FAT3: variants seen among roughly 807,000 people sequenced by gnomAD.
The protein encoded by FAT3 is FAT atypical cadherin 3, also known as protocadherin Fat 3.
A neutral mutation model predicts 310.2 loss-of-function variants in FAT3; 95 were observed. The ratio of observed to expected loss-of-function variants is 0.31; its 90% CI spans 0.26 to 0.36. FAT3 has a LOEUF of 0.36. Ranked by LOEUF, FAT3 falls within the 10% of genes least tolerant of loss-of-function variation. FAT3 has a pLI of 1.00. For missense variants in FAT3, 5,408 were observed against 5,715.6 expected (o/e 0.95, Z 1.74); for synonymous variants, 2,314 against 2,192.9 (o/e 1.06, Z -1.54).
intron 3 of FAT3, among the ~76,000 whole-genome samples, chr11:92,651,016 T>C (rs1942358534): frequency 6.6e-6 from 1 of 152,200 alleles, no homozygotes; most frequent in Admixed American, 6.5e-5. Flanking sequence ...GTTTTCAGTA[T>C]AAACCAACTC....
intron 3 of FAT3, among the ~76,000 whole-genome samples, chr11:92,620,350 A>G (rs980579733): frequency 1.3e-5 from 2 of 152,034 alleles, no homozygotes; most frequent in African/African-American, 2.4e-5. Context: ...AGTGTTATGT[A>G]TTTTTGTCTT....
At chr11:92,682,087 G>C (rs1407031100) in intron 3 of FAT3, among the ~76,000 whole-genome samples, 1 of 152,194 alleles carries the variant, frequency 6.6e-6, no homozygotes, top group African/African-American at 2.4e-5. Flanking sequence ...AAGGATTCTG[G>C]AGTCAGACAA....
intron 13 of FAT3, among the ~76,000 whole-genome samples, chr11:92,831,237 C>A (rs1373481054): frequency 6.6e-6 from 1 of 152,162 alleles, no homozygotes; most frequent in African/African-American, 2.4e-5. Context: ...CTGGTAGATT[C>A]TAAATACATC....
At chr11:92,410,902 G>C (rs889181082) in intron 2 of FAT3, among the ~76,000 whole-genome samples, 1 of 151,240 alleles carries the variant, frequency 6.6e-6, no homozygotes, top group African/African-American at 2.4e-5. Context: ...AACCTTATGG[G>C]GTGGAAATTT....
At chr11:92,513,116 C>T (rs1383963012) in intron 2 of FAT3, among the ~76,000 whole-genome samples, 2 of 32,458 alleles carry the variant, frequency 6.2e-5, no homozygotes, top group South Asian at 1.3e-3. Flanking sequence ...AGCTAGACTC[C>T]GTCTCAAAAA....
At chr11:92,721,212 A>C (rs1391236361) in intron 4 of FAT3, among the ~76,000 whole-genome samples, 1 of 152,242 alleles carries the variant, frequency 6.6e-6, no homozygotes, top group East Asian at 1.9e-4. Context: ...GGATAATGCA[A>C]GAAATAGGTT....
chr11:92,622,663 T>C (rs893898333), intron 3 of FAT3, among the ~76,000 whole-genome samples: 2 of 152,192 alleles, frequency 1.3e-5, no homozygotes, highest in African/African-American at 4.8e-5. Flanking sequence ...TGACCTGTTT[T>C]CATGACATTT....
At chr11:92,226,979 A>T (rs200072035) in intron 1 of FAT3, among the ~76,000 whole-genome samples, 1 of 152,090 alleles carries the variant, frequency 6.6e-6, no homozygotes, top group South Asian at 2.1e-4. Context: ...CAAGTGTCAG[A>T]CAAACCCGCG....
chr11:92,312,738 C>T (rs139171875), intron 1 of FAT3, among the ~76,000 whole-genome samples: 1 of 152,120 alleles, frequency 6.6e-6, no homozygotes, highest in Non-Finnish European at 1.5e-5. Flanking sequence ...TCCCAAACAA[C>T]TCTTGAAGCA....
chr11:92,822,337 G>A (rs1947989254), intron 13 of FAT3, among the ~76,000 whole-genome samples: 1 of 151,374 alleles, frequency 6.6e-6, no homozygotes, highest in Non-Finnish European at 1.5e-5. Flanking sequence ...AAAAGCCTCT[G>A]AACTGCTAAT....
In FAT3 at chr11:92,479,712, A is replaced by T. The variant is rs547899395; in HGVS notation, c.3293-44922A>T. Among the ~76,000 whole-genome samples, 19 of 152,206 alleles carry T rather than the reference A, an allele frequency of 1.2e-4. 1 individual carries two copies. Among genetic ancestry groups the T allele is most frequent in the African/African-American group, 3.4e-4 (14 of 41,512 alleles). ...AAAATTATTCAAACAAGCCAATCAC[A>T]TTGTCTCATGAGAACCAGGGGACAC... On this transcript the variant is annotated intron_variant, in intron 2 of 27. Coordinates refer to ENST00000525166, the MANE Select transcript of FAT3 (RefSeq NM_001367949.2).
intron 1 of FAT3, among the ~76,000 whole-genome samples, chr11:92,260,692 A>C (rs909963893): frequency 6.6e-6 from 1 of 152,144 alleles, no homozygotes; most frequent in South Asian, 2.1e-4. Flanking sequence ...TGTAAAGTTA[A>C]TATTATCACC....
chr11:92,468,187 G>T (rs1951819648), intron 2 of FAT3, among the ~76,000 whole-genome samples: 1 of 152,136 alleles, frequency 6.6e-6, no homozygotes, highest in South Asian at 2.1e-4. Context: ...CAGAGCTTTT[G>T]AGATTTTAGA....
rs115167654 is a variant in FAT3, at chr11:92,663,046, A to G, written c.3608-34338A>G. Among the ~76,000 whole-genome samples the G allele has an allele frequency of 7.3e-3, 1,107 of 152,308 alleles. 14 individuals carry two copies. Among genetic ancestry groups the G allele is most frequent in the African/African-American group, 0.025 (1,047 of 41,560 alleles). ...GGGGTAGGCTGGAAGACATAAGACCATGCACCAGGGGTGGGAAGCACGTGT... is the reference window on the plus strand; with the variant it reads ...GGGGTAGGCTGGAAGACATAAGACCGTGCACCAGGGGTGGGAAGCACGTGT... On this transcript the variant is annotated intron_variant, in intron 3 of 27. Transcript: ENST00000525166.
In FAT3 at chr11:92,893,574, A is replaced by G. The variant is rs1949962333; in HGVS notation, c.*2461A>G. ...AGGGAGAATGCCTGACTGACACAGT[A>G]ATGAAAGAATAAATAGATCCTAATG... On this transcript the variant is annotated 3_prime_UTR_variant, in exon 28 of 28. Coordinates refer to ENST00000525166, the MANE Select transcript of FAT3 (RefSeq NM_001367949.2). The G allele has an allele frequency of 6.6e-6, 1 of 152,246 alleles. No homozygotes were observed. Among genetic ancestry groups the G allele is most frequent in the African/African-American group, 2.4e-5 (1 of 41,476 alleles). 9.4% of individuals were successfully genotyped at this position (152,246 alleles called of 1,614,324 possible).
At chr11:92,240,576 C>CAAAA (rs570423845) in intron 1 of FAT3, among the ~76,000 whole-genome samples, 22,280 of 140,526 alleles carry the variant, frequency 0.16, 1,885 homozygotes, top group East Asian at 0.35. Flanking sequence ...GAAACCCCCC[C>CAAAA]AAAAAAAAAA....
intron 5 of FAT3, among the ~76,000 whole-genome samples, chr11:92,763,583 C>T (rs925070090): frequency 3.3e-5 from 5 of 152,094 alleles, no homozygotes; most frequent in African/African-American, 7.2e-5. Flanking sequence ...GTCTACATTC[C>T]CAGCCTCCAG....
intron 5 of FAT3, among the ~76,000 whole-genome samples, chr11:92,764,216 G>A (rs1176571913): frequency 6.6e-6 from 1 of 151,850 alleles, no homozygotes. Context: ...TCCCTTCCAC[G>A]CTGCCTCCAG....
intron 3 of FAT3, among the ~76,000 whole-genome samples, chr11:92,678,605 CTA>C: frequency 6.6e-6 from 1 of 152,210 alleles, no homozygotes; most frequent in South Asian, 2.1e-4. Flanking sequence ...TGAGGCATTG[CTA>C]TGAGACCAAA....
Sources: gnomAD v4.1 joint callset for allele counts (sites outside exome capture counted in the v4.1 genomes callset) on GRCh38, gnomAD v4.1.1 for gene constraint, MANE v1.5 for transcripts, NCBI Gene and HGNC (gene_info 2026-07-23, HGNC 2026-07-21) for gene names.